PCDHA9: variants seen among roughly 807,000 people sequenced by gnomAD.
PCDHA9 encodes the protein protocadherin alpha-9.
A neutral mutation model predicts 62.0 loss-of-function variants in PCDHA9; 62 were observed. The ratio of observed to expected loss-of-function variants is 1.00; its 90% CI spans 0.81 to 1.23. The LOEUF (loss-of-function observed/expected upper bound fraction) is 1.23. Among genes scored for constraint, PCDHA9 ranks in the 50% most tolerant of loss-of-function variants. PCDHA9 has a pLI of 0.00. For synonymous variants in PCDHA9, 557 were observed against 567.6 expected (o/e 0.98, Z 0.27); for missense variants, 1,205 against 1,249.8 (o/e 0.96, Z 0.54).
At chr5:140,928,681 TC>T (rs782384924) in intron 1 of PCDHA9, 4 of 1,614,062 alleles carry the variant, frequency 2.5e-6, no homozygotes. Flanking sequence ...TGCCTGGCTT[TC>T]CTACCACATC....
chr5:140,959,085 G>A (rs1286885776), intron 1 of PCDHA9, among the ~76,000 whole-genome samples: 8 of 151,980 alleles, frequency 5.3e-5, no homozygotes, highest in African/African-American at 1.9e-4. Flanking sequence ...ATTATCCTTG[G>A]TTTCGGACAT....
chr5:140,911,055 G>A lies in PCDHA9; in HGVS notation c.2394+60166G>A, dbSNP rs576580251. The stretch of plus-strand genomic sequence containing the variant: ...CTAGAAGCAAACAGGGGTGGTGGGG[G>A]GTGGGTCCTGAGGAGAATCAACATT... On this transcript the variant is annotated intron_variant, in intron 1 of 3. Transcript: ENST00000532602. 5.3e-5 allele frequency among the ~76,000 whole-genome samples: 8 copies of A among 152,158 alleles called. 1 individual carries two copies. The highest frequency in any genetic ancestry group is 5.2e-4 in the Admixed American group (8 of 15,266).
chr5:140,975,396 A>G (rs1366048936), intron 1 of PCDHA9, among the ~76,000 whole-genome samples: 2 of 152,248 alleles, frequency 1.3e-5, no homozygotes, highest in African/African-American at 4.8e-5. Flanking sequence ...GATCCATCAC[A>G]ATCACAGTCT....
intron 1 of PCDHA9, among the ~76,000 whole-genome samples, chr5:140,953,351 C>G (rs1007094673): frequency 3.3e-5 from 5 of 152,122 alleles, no homozygotes; most frequent in Non-Finnish European, 5.9e-5. Context: ...TTCTTTTGTT[C>G]TGTGCACTCA....
In PCDHA9 at chr5:140,849,922, CG is replaced by C. The variant is rs1376450485; in HGVS notation, c.1429del (p.Val477CysfsTer59). On this transcript the variant is annotated frameshift_variant, in exon 1 of 4. Transcript: ENST00000532602. LOFTEE classifies it high-confidence loss of function. ...ENNPPGCHIFTVSARDADAQE... is the reference protein window; with the variant it reads ...ENNPPGCHIFXVSARDADAQE... ...AACCCGCCGGGCTGCCACATCTTCA[CG>C]GTGTCTGCGCGGGACGCTGACGCGC... 3 of 1,598,214 alleles carry C rather than the reference CG, an allele frequency of 1.9e-6. No individual in the cohort carries two copies. Among genetic ancestry groups the C allele is most frequent in the Non-Finnish European group, 2.6e-6 (3 of 1,167,832 alleles).
rs577872820 is a variant in PCDHA9, at chr5:140,862,061, T to G, written c.2394+11172T>G. Reference sequence around the variant, plus strand: ...AACCGTCACATTGTTTCTTTGCAACTGATGTCTCCCCTAACATAGAAGCCC... The same window carrying G: ...AACCGTCACATTGTTTCTTTGCAACGGATGTCTCCCCTAACATAGAAGCCC... On this transcript the variant is annotated intron_variant, in intron 1 of 3. Coordinates refer to ENST00000532602, the MANE Select transcript of PCDHA9 (RefSeq NM_031857.2). 26 of 155,902 alleles carry G rather than the reference T, an allele frequency of 1.7e-4. No homozygotes were observed. In the South Asian group the frequency reaches 2.8e-3, roughly 17 times the overall value. 9.7% of individuals were successfully genotyped at this position (155,902 alleles called of 1,614,324 possible).
chr5:140,923,529 A>C lies in PCDHA9; in HGVS notation c.2395-55420A>C, dbSNP rs915297152. Among the ~76,000 whole-genome samples the C allele has an allele frequency of 1.5e-4, 23 of 152,138 alleles. 1 individual carries two copies. The highest frequency in any genetic ancestry group is 1.2e-3 in the Admixed American group (19 of 15,268). On this transcript the variant is annotated intron_variant, in intron 1 of 3. Transcript: ENST00000532602. ...GGATGATGAAGTGAGATTCTGTCCC[A>C]AAAAAAGGACAAAATGAAATATCAG... is the stretch of plus-strand genomic sequence containing the variant.
intron 1 of PCDHA9, among the ~76,000 whole-genome samples, chr5:140,881,147 A>T (rs982102013): frequency 1.3e-5 from 2 of 152,356 alleles, no homozygotes; most frequent in East Asian, 3.9e-4. Context: ...ATAACAATAG[A>T]TAAAAGTAAG....
chr5:140,938,904 C>A (rs1254151220), intron 1 of PCDHA9, among the ~76,000 whole-genome samples: 1 of 152,070 alleles, frequency 6.6e-6, no homozygotes, highest in Admixed American at 6.5e-5. Context: ...TGCGCACACA[C>A]ACACACGCAC....
intron 1 of PCDHA9, chr5:140,856,832 C>A (rs2044230469): frequency 3.1e-6 from 5 of 1,590,918 alleles, no homozygotes; most frequent in Non-Finnish European, 4.3e-6. Context: ...ATTAGTAATA[C>A]GGCTCAACGC....
At chr5:140,967,109 C>T in intron 1 of PCDHA9, 1 of 1,612,966 alleles carries the variant, frequency 6.2e-7, no homozygotes, top group Non-Finnish European at 8.5e-7. Flanking sequence ...TGAGCAGCGG[C>T]CTCGCTGCCT....
At chr5:141,008,440 A>T (rs545076432) in intron 3 of PCDHA9, among the ~76,000 whole-genome samples, 196 of 152,294 alleles carry the variant, frequency 1.3e-3, no homozygotes, top group South Asian at 8.7e-3. Flanking sequence ...GCCCAGACAG[A>T]CCATTACCCT....
At chr5:140,931,574 C>A (rs1311706898) in intron 1 of PCDHA9, among the ~76,000 whole-genome samples, 1 of 152,024 alleles carries the variant, frequency 6.6e-6, no homozygotes, top group Non-Finnish European at 1.5e-5. Flanking sequence ...CCATCCCATT[C>A]ATTCAGTTGA....
intron 1 of PCDHA9, among the ~76,000 whole-genome samples, chr5:140,942,493 C>T (rs1334279065): frequency 1.3e-5 from 2 of 151,366 alleles, no homozygotes; most frequent in Non-Finnish European, 2.9e-5. Context: ...GAAATAAATA[C>T]ATGGTATCTA....
At chr5:140,892,324 C>T (rs1158961031) in intron 1 of PCDHA9, among the ~76,000 whole-genome samples, 3 of 152,308 alleles carry the variant, frequency 2.0e-5, no homozygotes, top group Non-Finnish European at 4.4e-5. Context: ...CATTTTCTTT[C>T]TCCAGAATGG....
At position 140,928,712 on chromosome 5, in the gene PCDHA9, G is replaced by A; in HGVS notation, c.2395-50237G>A. 3.1e-6 allele frequency: 5 copies of A among 1,614,168 alleles called. No homozygotes were observed. The highest frequency in any genetic ancestry group is 4.2e-6 in the Non-Finnish European group (5 of 1,180,042). Reference sequence around the variant, plus strand: ...CACATCTCCCGGGCGTCTGACTCTAGTCTCTTTAGAATTTCAGCCAATATA... The same window carrying A: ...CACATCTCCCGGGCGTCTGACTCTAATCTCTTTAGAATTTCAGCCAATATA... On this transcript the variant is annotated intron_variant, in intron 1 of 3. Coordinates refer to ENST00000532602, the MANE Select transcript of PCDHA9 (RefSeq NM_031857.2).
At chr5:140,917,259 T>C (rs1246984274) in intron 1 of PCDHA9, among the ~76,000 whole-genome samples, 2 of 151,338 alleles carry the variant, frequency 1.3e-5, no homozygotes, top group East Asian at 3.9e-4. Flanking sequence ...GCTCACCTGA[T>C]GTTTGGTTTT....
intron 1 of PCDHA9, among the ~76,000 whole-genome samples, chr5:140,905,415 C>A (rs2071821709): frequency 6.6e-6 from 1 of 152,128 alleles, no homozygotes; most frequent in Non-Finnish European, 1.5e-5. Context: ...ATACCAGTAC[C>A]ATGCTGGTTT....
intron 1 of PCDHA9, chr5:140,876,227 C>T (rs782218758): frequency 2.5e-6 from 4 of 1,613,794 alleles, no homozygotes; most frequent in South Asian, 2.2e-5. Flanking sequence ...GTAGTGTTGT[C>T]TGAAAATGTC....
Sources: allele counts gnomAD v4.1 joint callset (sites outside exome capture counted in the v4.1 genomes callset), GRCh38; gene constraint gnomAD v4.1.1; transcripts MANE v1.5; gene names NCBI Gene and HGNC (gene_info 2026-07-23, HGNC 2026-07-21).